CEP55: variants seen among roughly 807,000 people sequenced by gnomAD.
CEP55 encodes centrosomal protein 55.
In CEP55, 57 loss-of-function variants were observed where a neutral mutation model predicts 63.2. The ratio of observed to expected loss-of-function variants is 0.90; its 90% confidence interval spans 0.73 to 1.13. The LOEUF (loss-of-function observed/expected upper bound fraction) is 1.13, where lower values mean the gene tolerates loss of function less well. CEP55 is among the 50% of genes most tolerant of loss of function. The pLI, the probability that CEP55 is intolerant of heterozygous loss-of-function variation, is 0.00. For synonymous variants in CEP55, 178 were observed against 191.6 expected (o/e 0.93, Z 0.59); for missense variants, 456 against 518.9 (o/e 0.88, Z 1.18).
chr10:93,514,949 T>G (rs1049670426), intron 4 of CEP55, among the ~76,000 whole-genome samples: 16 of 152,106 alleles, frequency 1.1e-4, no homozygotes, highest in African/African-American at 3.9e-4. Context: ...ATTTTTGTAT[T>G]TTTATTAGAG....
intron 2 of CEP55, among the ~76,000 whole-genome samples, chr10:93,501,455 G>A (rs2057634073): frequency 6.6e-6 from 1 of 152,174 alleles, no homozygotes; most frequent in Admixed American, 6.5e-5. Context: ...TTGGGAGGCT[G>A]AGACAGGTGG....
At chr10:93,509,983 C>G (rs1475505575) in intron 4 of CEP55, among the ~76,000 whole-genome samples, 1 of 152,166 alleles carries the variant, frequency 6.6e-6, no homozygotes, top group Admixed American at 6.5e-5. Flanking sequence ...CCATCACCCT[C>G]TCAAAGTTCG....
chr10:93,524,567 G>T (rs1247582145), intron 8 of CEP55, among the ~76,000 whole-genome samples: 1 of 152,130 alleles, frequency 6.6e-6, no homozygotes, highest in African/African-American at 2.4e-5. Flanking sequence ...GAAAAAAAGG[G>T]AGTCCTCCCT....
intron 8 of CEP55, among the ~76,000 whole-genome samples, chr10:93,523,168 A>G (rs1262069642): frequency 6.6e-6 from 1 of 152,224 alleles, no homozygotes; most frequent in Non-Finnish European, 1.5e-5. Flanking sequence ...GTCAAGACCC[A>G]TCAGTGTGCT....
rs147812018 is a variant in CEP55 at position 93,505,591 on chromosome 10, A to G, written c.460-1397A>G. On this transcript the variant is annotated intron_variant, in intron 3 of 8. Transcript: ENST00000371485. Reference sequence around the variant, plus strand: ...AGTTTCCACCTCGAGGACTGAATTGAGAGAGAGAAAGGGCTACATATTAAA... The same window carrying G: ...AGTTTCCACCTCGAGGACTGAATTGGGAGAGAGAAAGGGCTACATATTAAA... Among the ~76,000 whole-genome samples the G allele has an allele frequency of 3.4e-3, 521 of 152,334 alleles. 4 individuals are homozygous for G. Among genetic ancestry groups the G allele is most frequent in the African/African-American group, 0.012 (494 of 41,578 alleles).
At chr10:93,514,842 A>G (rs146437334) in intron 4 of CEP55, among the ~76,000 whole-genome samples, 12,785 of 152,174 alleles carry the variant, frequency 0.084, 590 homozygotes, top group Non-Finnish European at 0.1. Flanking sequence ...GCATGATCTC[A>G]GCTCACTGCC....
At chr10:93,502,010 GAACAAGTCTTAT>G (rs2057640522) in intron 2 of CEP55, among the ~76,000 whole-genome samples, 1 of 152,166 alleles carries the variant, frequency 6.6e-6, no homozygotes, top group South Asian at 2.1e-4. Flanking sequence ...AAGTTACACA[GAACAAGTCTTAT>G]TTTTCCTATG....
chr10:93,510,022 G>A (rs958034073), intron 4 of CEP55, among the ~76,000 whole-genome samples: 2 of 152,116 alleles, frequency 1.3e-5, no homozygotes, highest in African/African-American at 2.4e-5. Context: ...GCTTACCCAC[G>A]TATTTTCAGA....
chr10:93,519,216 G>C, intron 7 of CEP55: 1 of 446,572 alleles, frequency 2.2e-6, no homozygotes, highest in Non-Finnish European at 4.0e-6. Flanking sequence ...GGCAAATTTT[G>C]CTCTTCCCCA....
chr10:93,527,083 T>TAA (rs67405914), intron 8 of CEP55, among the ~76,000 whole-genome samples: 1 of 150,572 alleles, frequency 6.6e-6, no homozygotes, highest in Non-Finnish European at 1.5e-5. Flanking sequence ...AAAGTATAAT[T>TAA]AAAAAAAAAA....
chr10:93,517,267 A>C lies in CEP55; in HGVS notation c.993+19A>C. The C allele has an allele frequency of 1.3e-6, 2 of 1,562,180 alleles. No individual in the cohort carries two copies. Among genetic ancestry groups the C allele is most frequent in the South Asian group, 1.2e-5 (1 of 82,540 alleles). ...ATCTCAGGTAAACTTAACCAGATCC[A>C]TAATTCAGAGTGTTCACCGAACACT... is the stretch of plus-strand genomic sequence containing the variant. On this transcript the variant is annotated intron_variant, in intron 6 of 8. Transcript: ENST00000371485.
At chr10:93,504,365 C>T (rs549197095) in intron 3 of CEP55, among the ~76,000 whole-genome samples, 56 of 151,878 alleles carry the variant, frequency 3.7e-4, no homozygotes, top group African/African-American at 1.1e-3. Flanking sequence ...CCCAGCTATT[C>T]GGGAGGCTGA....
chr10:93,517,148 G>A lies in CEP55; in HGVS notation c.893G>A (p.Arg298Lys), dbSNP rs141349756. 1,995 of 1,613,734 alleles carry A rather than the reference G, an allele frequency of 1.2e-3. 3 individuals carry two copies. The highest frequency in any genetic ancestry group is 1.4e-3 in the Non-Finnish European group (1,694 of 1,179,818). Reference protein sequence around the residue: ...RADVQHLEDDRHKTEKIQKLR... With the variant: ...RADVQHLEDDKHKTEKIQKLR... ...GATGTGCAACATCTGGAAGATGATA[G>A]GCATAAAACAGAGAAGATACAAAAA... The change falls in exon 6 of 9, where the codon AGG becomes AAG. Residue 298 changes from arginine to lysine, a missense_variant. Coordinates refer to ENST00000371485, the MANE Select transcript of CEP55 (RefSeq NM_018131.5).
At chr10:93,518,543 T>G (rs2057826414) in intron 6 of CEP55, among the ~76,000 whole-genome samples, 1 of 152,158 alleles carries the variant, frequency 6.6e-6, no homozygotes, top group Non-Finnish European at 1.5e-5. Flanking sequence ...AAATTTTGCT[T>G]CAGCTCTGGC....
chr10:93,508,321 C>T (rs1354142293), intron 4 of CEP55, among the ~76,000 whole-genome samples: 1 of 152,138 alleles, frequency 6.6e-6, no homozygotes, highest in African/African-American at 2.4e-5. Flanking sequence ...AAAAATATTA[C>T]TGGCATGTCT....
intron 8 of CEP55, 62 bp from the exon 9 acceptor site, chr10:93,527,886 GAA>G (rs34668129): frequency 1.7e-6 from 2 of 1,156,132 alleles, no homozygotes; most frequent in Non-Finnish European, 2.4e-6. Flanking sequence ...CTCAAAAAAA[GAA>G]AAAAAAAAAG....
intron 4 of CEP55, among the ~76,000 whole-genome samples, chr10:93,511,638 C>T (rs546790575): frequency 6.6e-5 from 10 of 151,590 alleles, no homozygotes; most frequent in South Asian, 4.2e-4. Context: ...AGTTTCGCTC[C>T]GTTGCCCAGG....
chr10:93,500,170 C>G lies in CEP55; in HGVS notation c.119C>G (p.Ser40Ter), dbSNP rs1330752969. 1 of 1,613,514 alleles carries G rather than the reference C, an allele frequency of 6.2e-7. No homozygotes were observed. The highest frequency in any genetic ancestry group is 1.7e-5 in the Admixed American group (1 of 59,846). Residue 40 changes from serine to a stop codon, truncating the protein, a stop_gained, in exon 2 of 9, where the codon TCA becomes TGA. Transcript: ENST00000371485. LOFTEE classifies it high-confidence loss of function. ...LKGEIAHLKT[S>*]VDEITSGKGK... is the part of the protein sequence containing the mutation. Reference sequence around the variant, plus strand: ...GGAGAAATTGCACACTTAAAGACATCAGTGGATGAAATCACAAGTGGGAAA... The same window carrying G: ...GGAGAAATTGCACACTTAAAGACATGAGTGGATGAAATCACAAGTGGGAAA...
intron 8 of CEP55, among the ~76,000 whole-genome samples, chr10:93,523,340 G>T (rs932073958): frequency 3.3e-5 from 5 of 152,150 alleles, no homozygotes; most frequent in African/African-American, 9.7e-5. Flanking sequence ...AACAGACAAA[G>T]AAGGACATTA....
Sources: gnomAD v4.1 joint callset for allele counts (sites outside exome capture counted in the v4.1 genomes callset) on GRCh38, gnomAD v4.1.1 for gene constraint, MANE v1.5 for transcripts, NCBI Gene and HGNC (gene_info 2026-07-23, HGNC 2026-07-21) for gene names.